Variants in C8orf34 observed in about 807,000 individuals in gnomAD.
C8orf34 encodes the protein chromosome 8 open reading frame 34.
C8orf34 carries 65 observed loss-of-function variants against 68.3 expected under a neutral mutation model. That is an observed-to-expected ratio of 0.95 (90% CI 0.78 to 1.17). The LOEUF (loss-of-function observed/expected upper bound fraction) is 1.17, where lower values mean the gene tolerates loss of function less well. Among genes scored for constraint, C8orf34 ranks in the 50% most tolerant of loss-of-function variants. C8orf34 has a pLI of 0.00. For missense variants in C8orf34, 664 were observed against 655.4 expected (o/e 1.01, Z -0.14); for synonymous variants, 244 against 241.2 (o/e 1.01, Z -0.11).
intron 4 of C8orf34, among the ~76,000 whole-genome samples, chr8:68,482,008 C>T (rs1178372934): frequency 2.0e-5 from 3 of 152,160 alleles, no homozygotes; most frequent in Non-Finnish European, 4.4e-5. Context: ...TATGGATTGG[C>T]TGTGTCCTCA....
In C8orf34 at chr8:68,772,801, CCTTTCTTT is replaced by C. The variant is rs777318220; in HGVS notation, c.1405-3587_1405-3580del. On this transcript the variant is annotated intron_variant, in intron 10 of 13. Coordinates refer to ENST00000518698, the MANE Select transcript of C8orf34 (RefSeq NM_052958.4). ...TCTTTCTTTCTTTCCCTCCCTCCCT[CCTTTCTTT>C]CTTTCTTTCTGTCTGTCTTTCTTTT... Among the ~76,000 whole-genome samples, 507 of 146,748 alleles carry C rather than the reference CCTTTCTTT, an allele frequency of 3.5e-3. 3 individuals are homozygous for C. Among genetic ancestry groups the C allele is most frequent in the African/African-American group, 0.012 (491 of 39,386 alleles).
chr8:68,399,081 G>A (rs942334059), intron 1 of C8orf34, among the ~76,000 whole-genome samples: 3 of 152,030 alleles, frequency 2.0e-5, no homozygotes, highest in African/African-American at 7.2e-5. Flanking sequence ...ATATTTTTCA[G>A]GATGAAACTG....
intron 7 of C8orf34, among the ~76,000 whole-genome samples, chr8:68,554,186 T>C (rs1351484770): frequency 6.6e-6 from 1 of 152,158 alleles, no homozygotes; most frequent in Non-Finnish European, 1.5e-5. Flanking sequence ...TTGAGATGTA[T>C]GTTATACTTA....
chr8:68,468,949 G>A, intron 4 of C8orf34, 129 bp downstream of exon 4: 1 of 997,404 alleles, frequency 1.0e-6, no homozygotes, highest in Non-Finnish European at 1.4e-6. Context: ...GTAGTTCTAA[G>A]GGCATGAGAT....
chr8:68,439,700 T>G, intron 2 of C8orf34, 54 bp downstream of exon 2: 1 of 1,544,050 alleles, frequency 6.5e-7, no homozygotes, highest in Non-Finnish European at 8.8e-7. Flanking sequence ...TGTCAAAATT[T>G]CAAAACTCTT....
At chr8:68,757,079 G>A (rs1482987383) in intron 10 of C8orf34, among the ~76,000 whole-genome samples, 2 of 152,194 alleles carry the variant, frequency 1.3e-5, no homozygotes, top group Non-Finnish European at 2.9e-5. Context: ...GGCATTGTTA[G>A]ATTGAAAATA....
At chr8:68,655,149 C>A (rs1020119369) in intron 8 of C8orf34, among the ~76,000 whole-genome samples, 1 of 151,916 alleles carries the variant, frequency 6.6e-6, no homozygotes, top group African/African-American at 2.4e-5. Context: ...ATGTAAATAG[C>A]TTTAGATGTA....
chr8:68,556,222 C>A (rs1461704026), intron 7 of C8orf34, among the ~76,000 whole-genome samples: 1 of 149,238 alleles, frequency 6.7e-6, no homozygotes, highest in Admixed American at 6.7e-5. Flanking sequence ...ATATTTATCT[C>A]AATCTCTATC....
At chr8:68,407,154 A>C (rs921210485) in intron 1 of C8orf34, among the ~76,000 whole-genome samples, 1 of 152,076 alleles carries the variant, frequency 6.6e-6, no homozygotes, top group South Asian at 2.1e-4. Context: ...TCTATATTAC[A>C]ATTTTTTTTC....
chr8:68,766,046 GAAAC>G (rs1254830564), intron 10 of C8orf34, among the ~76,000 whole-genome samples: 1 of 152,102 alleles, frequency 6.6e-6, no homozygotes, highest in Non-Finnish European at 1.5e-5. Context: ...CATCTTAAAA[GAAAC>G]AAACACGTAA....
chr8:68,430,655 C>T (rs1051608269), intron 1 of C8orf34, among the ~76,000 whole-genome samples: 5 of 152,018 alleles, frequency 3.3e-5, no homozygotes, highest in African/African-American at 4.8e-5. Context: ...ACGTGACCAC[C>T]GTAACTGGAG....
chr8:68,662,087 T>C (rs1819697087), intron 8 of C8orf34, among the ~76,000 whole-genome samples: 1 of 152,092 alleles, frequency 6.6e-6, no homozygotes, highest in African/African-American at 2.4e-5. Context: ...TTTTACAACA[T>C]GCTGAGCTGC....
chr8:68,617,890 G>C (rs999099428), intron 7 of C8orf34, among the ~76,000 whole-genome samples: 10 of 152,140 alleles, frequency 6.6e-5, no homozygotes, highest in Non-Finnish European at 1.3e-4. Context: ...TTTCCAACTT[G>C]ATTCCATTCT....
chr8:68,633,779 A>G (rs1410745401), intron 7 of C8orf34, among the ~76,000 whole-genome samples: 1 of 152,188 alleles, frequency 6.6e-6, no homozygotes, highest in African/African-American at 2.4e-5. Flanking sequence ...AAAGAGTAGA[A>G]AAAAGAGAGG....
At chr8:68,370,362 C>G (rs1485228461) in intron 1 of C8orf34, among the ~76,000 whole-genome samples, 2 of 152,304 alleles carry the variant, frequency 1.3e-5, no homozygotes, top group East Asian at 1.9e-4. Context: ...AAATTAAGCA[C>G]TGCCACCTGG....
chr8:68,430,680 G>A (rs1407665316), intron 1 of C8orf34, among the ~76,000 whole-genome samples: 1 of 152,088 alleles, frequency 6.6e-6, no homozygotes, highest in East Asian at 1.9e-4. Flanking sequence ...ATGAATTTTA[G>A]ACTAAAATGG....
At chr8:68,410,327 C>T (rs1009219511) in intron 1 of C8orf34, among the ~76,000 whole-genome samples, 2 of 151,768 alleles carry the variant, frequency 1.3e-5, no homozygotes, top group Admixed American at 1.3e-4. Flanking sequence ...TAGAAGAAAA[C>T]CCAAAACAAT....
intron 1 of C8orf34, among the ~76,000 whole-genome samples, chr8:68,354,353 GT>G (rs1293614743): frequency 1.3e-5 from 2 of 151,426 alleles, no homozygotes; most frequent in East Asian, 3.9e-4. Flanking sequence ...GACTTTTTTT[GT>G]TTTTAGAGAC....
chr8:68,613,540 T>C (rs1818093573), intron 7 of C8orf34, among the ~76,000 whole-genome samples: 2 of 150,610 alleles, frequency 1.3e-5, no homozygotes, highest in Non-Finnish European at 2.9e-5. Flanking sequence ...ACATGCAGTG[T>C]TTGACTTTTT....
Sources: allele counts gnomAD v4.1 joint callset (sites outside exome capture counted in the v4.1 genomes callset), GRCh38; gene constraint gnomAD v4.1.1; transcripts MANE v1.5; gene names NCBI Gene and HGNC (gene_info 2026-07-23, HGNC 2026-07-21).